CCDC175: variants seen among roughly 807,000 people sequenced by gnomAD.
CCDC175 encodes the protein coiled-coil domain containing 175.
Under a neutral mutation model 114.6 loss-of-function variants are expected in CCDC175, and 100 were observed. That is an observed-to-expected ratio of 0.87 (90% CI 0.74 to 1.03). The LOEUF is 1.03. Among genes scored for constraint, CCDC175 ranks in the 50% least tolerant of loss-of-function variants. The probability of loss-of-function intolerance (pLI) is 0.00; values close to 1 mark genes in which losing one functional copy is unlikely to be tolerated. For missense variants in CCDC175, 880 were observed against 917.8 expected (o/e 0.96, Z 0.53); for synonymous variants, 306 against 308.7 (o/e 0.99, Z 0.09).
chr14:59,555,082 T>C, intron 7 of CCDC175, among the ~76,000 whole-genome samples: 1 of 151,852 alleles, frequency 6.6e-6, no homozygotes, highest in Non-Finnish European at 1.5e-5. Flanking sequence ...TTCCAATCAA[T>C]AGAAAGAGGG....
chr14:59,519,206 A>T (rs770687773), intron 17 of CCDC175, among the ~76,000 whole-genome samples: 1 of 152,174 alleles, frequency 6.6e-6, no homozygotes, highest in Non-Finnish European at 1.5e-5. Context: ...TTGGAGATAT[A>T]CCTAATGTTA....
chr14:59,571,871 T>A (rs2140131920), intron 3 of CCDC175, among the ~76,000 whole-genome samples: 1 of 152,344 alleles, frequency 6.6e-6, no homozygotes, highest in East Asian at 1.9e-4. Context: ...GTATCCCTAA[T>A]CCAAAAATCT....
Position 59,521,574 on chromosome 14 carries a change from C to A in CCDC175, c.2098G>T (p.Ala700Ser). 1 of 1,512,404 alleles carries A rather than the reference C, an allele frequency of 6.6e-7. No homozygotes were observed. The highest frequency in any genetic ancestry group is 8.9e-7 in the Non-Finnish European group (1 of 1,124,520). The allele number at this position is 1,512,404 out of a possible 1,614,324, so 93.7% of individuals were successfully genotyped here. ...ATACAAGCACCCACACATTACTTACCCTCCTGAGCTATTAGTTGCCGAGAC... is the reference window on the plus strand; with the variant it reads ...ATACAAGCACCCACACATTACTTACACTCCTGAGCTATTAGTTGCCGAGAC... Reference protein sequence around the residue: ...DLSRQLIAQEAQYKDLWAEFQ... With the variant: ...DLSRQLIAQESQYKDLWAEFQ... The change falls in exon 17 of 20, where the codon GCA (alanine) becomes TCA (serine). Residue 700 changes from alanine to serine, a missense_variant and splice_region_variant. Coordinates refer to ENST00000537690, the MANE Select transcript of CCDC175 (RefSeq NM_001164399.2).
chr14:59,511,382 T>C (rs148429861), intron 18 of CCDC175, among the ~76,000 whole-genome samples: 2,354 of 152,138 alleles, frequency 0.015, 34 homozygotes, highest in Non-Finnish European at 0.026. Flanking sequence ...GTGCAGATGT[T>C]GCACTGGTAA....
chr14:59,549,664 G>A (rs1895334280), intron 8 of CCDC175, among the ~76,000 whole-genome samples: 1 of 136,248 alleles, frequency 7.3e-6, no homozygotes, highest in South Asian at 2.4e-4. Flanking sequence ...AGGTTGCAGT[G>A]AGCTGAGATC....
chr14:59,568,183 C>A (rs1896660617), intron 4 of CCDC175, 62 bp downstream of exon 4: 9 of 1,455,796 alleles, frequency 6.2e-6, no homozygotes, highest in African/African-American at 1.4e-5. Context: ...CCCCTCCCGA[C>A]AATTTTCCCA....
intron 10 of CCDC175, among the ~76,000 whole-genome samples, chr14:59,541,866 T>C (rs1480082257): frequency 6.6e-6 from 1 of 152,218 alleles, no homozygotes; most frequent in Non-Finnish European, 1.5e-5. Context: ...TAAAACCTGA[T>C]TCAGTCCAAA....
Position 59,521,633 on chromosome 14 carries a change from C to T in CCDC175, c.2039G>A (p.Gly680Glu). The T allele has an allele frequency of 6.5e-7, 1 of 1,535,028 alleles. No homozygotes were observed. Among genetic ancestry groups the T allele is most frequent in the Non-Finnish European group, 8.7e-7 (1 of 1,144,892 alleles). ...LKNNIEKYRE[G>E]QEALMHTSSD... The stretch of plus-strand genomic sequence containing the variant: ...TGAGGTGTGCATGAGGGCTTCTTGT[C>T]CTTCTCTGTATTTCTCTATGTTATT... The change falls in exon 17 of 20, where the codon GGA becomes GAA. Residue 680 changes from glycine (G) to glutamate (E), a missense_variant. Physicochemically the swap from Gly to Glu is moderately conservative, Grantham distance 98. Transcript: ENST00000537690.
Position 59,527,170 on chromosome 14 carries a change from T to C in CCDC175, c.1767A>G (p.Gln589=), listed in dbSNP as rs1462257700. 6.7e-7 allele frequency: 1 copy of C among 1,484,958 alleles called. No individual in the cohort carries two copies. The highest frequency in any genetic ancestry group is 2.5e-5 in the East Asian group (1 of 39,548). The allele number at this position is 1,484,958 out of a possible 1,614,324, so 92.0% of individuals were successfully genotyped here. The part of the protein sequence containing the change: ...LEELSNIITA[Q]RQEEDLLNNH... ...TGTTCAGTAAATCTTCCTCCTGTCT[T>C]TGTGCTATTAAAACAAAGAAAAAAA... Residue 589 remains glutamine (Q), a synonymous_variant, in exon 15 of 20, where the codon CAA becomes CAG. Coordinates refer to ENST00000537690, the MANE Select transcript of CCDC175 (RefSeq NM_001164399.2).
rs907096885 is a variant in CCDC175 at position 59,538,724 on chromosome 14, C to T, written c.1472G>A (p.Arg491Gln). 1.9e-5 allele frequency: 29 copies of T among 1,535,412 alleles called. No individual in the cohort carries two copies. The highest frequency in any genetic ancestry group is 3.3e-4 in the Middle Eastern group (2 of 5,974). Reference protein sequence around the residue: ...TEKIQNAEVRRIELLNETSFR... With the variant: ...TEKIQNAEVRQIELLNETSFR... ...TCTTACCTCGTTAAGTAATTCAATTCGTCTAACTTCTGCATTCTGAATTTT... is the reference window on the plus strand; with the variant it reads ...TCTTACCTCGTTAAGTAATTCAATTTGTCTAACTTCTGCATTCTGAATTTT... The change falls in exon 12 of 20, where the codon CGA (arginine) becomes CAA (glutamine). Residue 491 changes from arginine to glutamine, a missense_variant. Coordinates refer to ENST00000537690, the MANE Select transcript of CCDC175 (RefSeq NM_001164399.2).
At chr14:59,542,175 G>A (rs1894830687) in intron 10 of CCDC175, among the ~76,000 whole-genome samples, 1 of 152,002 alleles carries the variant, frequency 6.6e-6, no homozygotes, top group Non-Finnish European at 1.5e-5. Flanking sequence ...TGCTTTTAAA[G>A]GTCTAGTTCA....
chr14:59,527,467 C>T (rs774213457), intron 14 of CCDC175, among the ~76,000 whole-genome samples: 60 of 152,070 alleles, frequency 3.9e-4, no homozygotes, highest in Admixed American at 2.6e-3. Flanking sequence ...AGTCCCATTC[C>T]CACATCCTTC....
chr14:59,540,006 G>A (rs1894671601), intron 11 of CCDC175, among the ~76,000 whole-genome samples: 3 of 152,074 alleles, frequency 2.0e-5, no homozygotes, highest in Admixed American at 2.0e-4. Context: ...GGGAGGCAGA[G>A]GTTGCAGTGT....
chr14:59,563,725 A>T lies in CCDC175; in HGVS notation c.843+12T>A. On this transcript the variant is annotated intron_variant, in intron 6 of 19. Coordinates refer to ENST00000537690, the MANE Select transcript of CCDC175 (RefSeq NM_001164399.2). ...TAAGGCTTAAAAATATATATAGTTT[A>T]TTCTTTCTTACCGCTGCGGAAACAG... 7.2e-7 allele frequency: 1 copy of T among 1,381,572 alleles called. No individual in the cohort carries two copies. The highest frequency in any genetic ancestry group is 9.4e-7 in the Non-Finnish European group (1 of 1,068,090). The allele number at this position is 1,381,572 out of a possible 1,614,324, so 85.6% of individuals were successfully genotyped here.
intron 10 of CCDC175, among the ~76,000 whole-genome samples, chr14:59,542,603 AC>A (rs1363489340): frequency 1.3e-5 from 2 of 152,154 alleles, no homozygotes; most frequent in Admixed American, 6.6e-5. Flanking sequence ...TGTGTATTAT[AC>A]TATAATCTGC....
chr14:59,518,595 A>G (rs1893244004), intron 17 of CCDC175, among the ~76,000 whole-genome samples: 1 of 152,260 alleles, frequency 6.6e-6, no homozygotes, highest in Admixed American at 6.5e-5. Context: ...CATCAGAGAA[A>G]TGCAAATCAA....
chr14:59,560,159 T>C (rs554719766), intron 7 of CCDC175, among the ~76,000 whole-genome samples: 156 of 152,286 alleles, frequency 1.0e-3, no homozygotes, highest in African/African-American at 3.2e-3. Flanking sequence ...TTGCCTATTT[T>C]ATGAACTGAT....
At chr14:59,511,680 G>T (rs1382959810) in intron 18 of CCDC175, 80 bp downstream of exon 18, 5 of 1,177,690 alleles carry the variant, frequency 4.2e-6, no homozygotes, top group African/African-American at 1.5e-5. Context: ...AGACACAAAA[G>T]CACACACACT....
intron 18 of CCDC175, among the ~76,000 whole-genome samples, chr14:59,511,487 T>G (rs897824036): frequency 2.0e-4 from 29 of 144,036 alleles, no homozygotes; most frequent in African/African-American, 5.4e-4. Context: ...TCCCACCTTA[T>G]CTGAGTGGTA....
Sources: allele counts gnomAD v4.1 joint callset (sites outside exome capture counted in the v4.1 genomes callset), GRCh38; gene constraint gnomAD v4.1.1; transcripts MANE v1.5; gene names NCBI Gene and HGNC (gene_info 2026-07-23, HGNC 2026-07-21).